The following FOXP1 variants were observed in gnomAD, a reference collection of about 807,000 sequenced individuals.
FOXP1 encodes the protein forkhead box P1.
Under a neutral mutation model 98.2 loss-of-function variants are expected in FOXP1, and 15 were observed. That is an observed-to-expected ratio of 0.15 (90% confidence interval 0.10 to 0.24). The LOEUF is 0.24. Among genes scored for constraint, FOXP1 ranks in the 10% least tolerant of loss-of-function variants. The pLI is 1.00. For synonymous variants in FOXP1, 371 were observed against 314.5 expected (o/e 1.18, Z -1.90); for missense variants, 633 against 848.5 (o/e 0.75, Z 3.15).
chr3:71,276,080 A>T (rs1210033801), intron 5 of FOXP1: 1 of 152,236 alleles, frequency 6.6e-6, no homozygotes, highest in Non-Finnish European at 1.5e-5. Flanking sequence ...CAATGATTAA[A>T]AAGAAATCAG....
rs56792827 is a variant in FOXP1, at chr3:71,561,407, C to CAAAAA, written c.-298+20137_-298+20141dup. Among the ~76,000 whole-genome samples the CAAAAA allele has an allele frequency of 9.4e-4, 38 of 40,296 alleles. 1 individual carries two copies. Among genetic ancestry groups the CAAAAA allele is most frequent in the African/African-American group, 2.3e-3 (37 of 16,326 alleles). 26.4% of individuals were successfully genotyped at this position (40,296 alleles called of 152,430 possible). On this transcript the variant is annotated intron_variant, in intron 2 of 20. Coordinates refer to ENST00000649528, the MANE Select transcript of FOXP1 (RefSeq NM_001349338.3). Reference sequence around the variant, plus strand: ...TGAATTCTATCTCAATAAAGCTGGCCAAAAAAAAAAAAAAAAAAAGCCAGC... The same window carrying CAAAAA: ...TGAATTCTATCTCAATAAAGCTGGCCAAAAAAAAAAAAAAAAAAAAAAAAGCCAGC...
rs1473615016 is a variant in FOXP1 at position 71,368,042 on chromosome 3, G to A, written c.-167-8798C>T. Among the ~76,000 whole-genome samples, 4 of 152,332 alleles carry A rather than the reference G, an allele frequency of 2.6e-5. No homozygotes were observed. The East Asian group carries it at 7.7e-4, about 29-fold the overall frequency. ...GACATAAGGACTGCATGCTACAGCT[G>A]GACCCTCGACAAATTACCCTGGTGA... On this transcript the variant is annotated intron_variant, in intron 3 of 20. Transcript: ENST00000649528.
intron 5 of FOXP1, among the ~76,000 whole-genome samples, chr3:71,266,120 G>A (rs891818900): frequency 6.6e-6 from 1 of 151,206 alleles, no homozygotes; most frequent in Non-Finnish European, 1.5e-5. Context: ...AGCAAGCCAG[G>A]AAGAGAGAAA....
chr3:71,271,637 G>A (rs576546817), intron 5 of FOXP1, among the ~76,000 whole-genome samples: 4 of 152,236 alleles, frequency 2.6e-5, no homozygotes, highest in South Asian at 2.1e-4. Flanking sequence ...ATCTACTGAC[G>A]GATCACTGGT....
chr3:71,374,783 G>A (rs2079599975), intron 3 of FOXP1, among the ~76,000 whole-genome samples: 1 of 152,126 alleles, frequency 6.6e-6, no homozygotes, highest in Non-Finnish European at 1.5e-5. Flanking sequence ...AAGAGCTGGA[G>A]ACACTGAACA....
chr3:71,267,747 G>A (rs916836440), intron 5 of FOXP1, among the ~76,000 whole-genome samples: 3 of 152,204 alleles, frequency 2.0e-5, no homozygotes, highest in Non-Finnish European at 4.4e-5. Flanking sequence ...GCCAGGCGCA[G>A]TGGCTCATGC....
At chr3:71,533,343 G>A (rs1302243154) in intron 2 of FOXP1, among the ~76,000 whole-genome samples, 3 of 152,108 alleles carry the variant, frequency 2.0e-5, no homozygotes, top group East Asian at 1.9e-4. Context: ...TGTAAAGAAC[G>A]ATGATGAGTC....
intron 9 of FOXP1, 49 bp downstream of exon 9, chr3:71,052,488 T>G (rs574899871): frequency 2.3e-6 from 2 of 873,720 alleles, no homozygotes; most frequent in East Asian, 4.8e-5. Context: ...AGCCACTAGA[T>G]AGTCCTCTGG....
intron 5 of FOXP1, among the ~76,000 whole-genome samples, chr3:71,211,102 G>A (rs1404644055): frequency 6.6e-6 from 1 of 152,154 alleles, no homozygotes; most frequent in African/African-American, 2.4e-5. Context: ...TCTGTTTGAA[G>A]ATGGTTTCAC....
intron 5 of FOXP1, among the ~76,000 whole-genome samples, chr3:71,228,800 G>C (rs2066044814): frequency 6.6e-6 from 1 of 152,142 alleles, no homozygotes; most frequent in African/African-American, 2.4e-5. Context: ...GAGAAAATTG[G>C]CTGGCAGAAA....
chr3:71,281,203 C>A (rs939959401), intron 5 of FOXP1, among the ~76,000 whole-genome samples: 1 of 151,334 alleles, frequency 6.6e-6, no homozygotes, highest in Non-Finnish European at 1.5e-5. Context: ...GTACTCCAGC[C>A]TGGACAACAG....
chr3:71,298,862 T>A (rs533177664), intron 5 of FOXP1, among the ~76,000 whole-genome samples: 3 of 152,316 alleles, frequency 2.0e-5, no homozygotes, highest in African/African-American at 4.8e-5. Flanking sequence ...CAATAATAAG[T>A]CTATATCTGA....
chr3:71,166,247 G>C, intron 6 of FOXP1, among the ~76,000 whole-genome samples: 1 of 152,150 alleles, frequency 6.6e-6, no homozygotes, highest in East Asian at 1.9e-4. Flanking sequence ...AGTCTTATGA[G>C]AGGAAAAGAC....
At chr3:70,966,339 C>T (rs2034769242) in intron 19 of FOXP1, 3 of 447,710 alleles carry the variant, frequency 6.7e-6, no homozygotes, top group East Asian at 8.9e-5. Flanking sequence ...TTTAGACGGG[C>T]TTTCGAATAT....
chr3:71,348,522 CGTGTGTGTGTGTGTGTGTGTGT>C (rs772944612), intron 4 of FOXP1, among the ~76,000 whole-genome samples: 2 of 69,924 alleles, frequency 2.9e-5, no homozygotes, highest in East Asian at 5.1e-4. Context: ...TGTGTGTGTG[CGTGTGTGTGTGTGTGTGTGTGT>C]GTGTGCGTGC....
At chr3:71,151,660 ATTT>A (rs71104420) in intron 6 of FOXP1, among the ~76,000 whole-genome samples, 22 of 140,122 alleles carry the variant, frequency 1.6e-4, no homozygotes, top group African/African-American at 4.3e-4. Flanking sequence ...TGTCTAAAAC[ATTT>A]TTTTTTTTTT....
intron 11 of FOXP1, among the ~76,000 whole-genome samples, chr3:71,023,674 G>A (rs188549948): frequency 9.2e-5 from 14 of 152,180 alleles, no homozygotes; most frequent in Admixed American, 7.2e-4. Context: ...AGATTGTACC[G>A]AACCATATCA....
At chr3:71,145,131 A>G (rs2060246569) in intron 6 of FOXP1, among the ~76,000 whole-genome samples, 1 of 152,212 alleles carries the variant, frequency 6.6e-6, no homozygotes, top group Admixed American at 6.5e-5. Flanking sequence ...TACAGCTTCC[A>G]CAAACCTTAG....
chr3:71,426,634 G>A (rs945864754), intron 3 of FOXP1, among the ~76,000 whole-genome samples: 1 of 152,154 alleles, frequency 6.6e-6, no homozygotes, highest in African/African-American at 2.4e-5. Context: ...CCCACCTCAA[G>A]GTCTCCTCTG....
Sources: gnomAD v4.1 joint callset for allele counts (sites outside exome capture counted in the v4.1 genomes callset) on GRCh38, gnomAD v4.1.1 for gene constraint, MANE v1.5 for transcripts, NCBI Gene and HGNC (gene_info 2026-07-23, HGNC 2026-07-21) for gene names.